PRMT8: variants seen among roughly 807,000 people sequenced by gnomAD.
PRMT8 encodes protein arginine methyltransferase 8.
Under a neutral mutation model 47.1 loss-of-function variants are expected in PRMT8, and 7 were observed. The observed-to-expected ratio is 0.15, with a 90% CI of 0.08 to 0.28. The LOEUF is 0.28. Among genes scored for constraint, PRMT8 ranks in the 10% least tolerant of loss-of-function variants. PRMT8 has a pLI of 1.00. For missense variants in PRMT8, 237 were observed against 505.4 expected, an observed-to-expected ratio of 0.47 and a Z score of 5.09; for synonymous variants, 188 against 186.5, an observed-to-expected ratio of 1.01 and a Z score of -0.07.
At chr12:3,417,355 G>A (rs1591543383) in intron 1 of PRMT8, among the ~76,000 whole-genome samples, 1 of 152,294 alleles carries the variant, frequency 6.6e-6, no homozygotes, top group Admixed American at 6.5e-5. Context: ...CTCAGAGGCT[G>A]GGCTCATAGG....
In PRMT8 at chr12:3,436,704, A is replaced by G. The variant is rs1197505659; in HGVS notation, c.48+55262A>G. Among the ~76,000 whole-genome samples the G allele has an allele frequency of 6.6e-6, 1 of 152,202 alleles. No individual in the cohort carries two copies. The highest frequency in any genetic ancestry group is 1.5e-5 in the Non-Finnish European group (1 of 68,026). On this transcript the variant is annotated intron_variant, in intron 1 of 9. Coordinates refer to the PRMT8 transcript ENST00000452611. This position sits in a 1 kb window ranked among gnomAD's most constrained non-coding sequence, Gnocchi z 4.2. ...TGTGCTGCCTGGAAATGCAAAAGCCATGAGTCGGTTAAACATCAAGGTGAA... is the reference window on the plus strand; with the variant it reads ...TGTGCTGCCTGGAAATGCAAAAGCCGTGAGTCGGTTAAACATCAAGGTGAA...
intron 1 of PRMT8, among the ~76,000 whole-genome samples, chr12:3,424,862 T>C (rs1864585170): frequency 6.6e-6 from 1 of 152,164 alleles, no homozygotes; most frequent in Non-Finnish European, 1.5e-5. Context: ...ACTGTACAAG[T>C]CCAAATTTTA....
At chr12:3,463,029 A>C (rs1414191893) in intron 1 of PRMT8, 1 of 150,224 alleles carries the variant, frequency 6.7e-6, no homozygotes, top group Non-Finnish European at 1.5e-5. Flanking sequence ...TGGCAGAAGA[A>C]GGCCCTAGAA....
At chr12:3,520,228 G>A (rs879894522) in intron 1 of PRMT8, among the ~76,000 whole-genome samples, 6 of 152,196 alleles carry the variant, frequency 3.9e-5, no homozygotes, top group Non-Finnish European at 8.8e-5. Context: ...TGCATCTCTC[G>A]GCCTGTCGGG....
intron 1 of PRMT8, among the ~76,000 whole-genome samples, chr12:3,413,762 G>GGAA (rs1488431380): frequency 6.7e-6 from 1 of 149,682 alleles, no homozygotes; most frequent in Non-Finnish European, 1.5e-5. Context: ...GTATTCGGGG[G>GGAA]AAAAAAAACC....
At chr12:3,416,362 C>T (rs955483162) in intron 1 of PRMT8, among the ~76,000 whole-genome samples, 4 of 152,212 alleles carry the variant, frequency 2.6e-5, no homozygotes, top group Non-Finnish European at 5.9e-5. Flanking sequence ...GCCCAAGTGT[C>T]TCATGTGGAG....
chr12:3,407,236 A>C (rs1041889986), intron 1 of PRMT8, among the ~76,000 whole-genome samples: 3 of 152,100 alleles, frequency 2.0e-5, no homozygotes, highest in Admixed American at 1.3e-4. Context: ...ATTACCTCCC[A>C]CTGGGTCCCT....
At chr12:3,531,352 A>G (rs1168115854) in intron 1 of PRMT8, among the ~76,000 whole-genome samples, 2 of 152,354 alleles carry the variant, frequency 1.3e-5, no homozygotes, top group East Asian at 1.9e-4. Context: ...TTTTAAGCCC[A>G]TTAATGAGGA....
intron 1 of PRMT8, among the ~76,000 whole-genome samples, chr12:3,499,340 T>TC (rs1224800549): frequency 4.3e-5 from 4 of 92,906 alleles, no homozygotes; most frequent in African/African-American, 1.8e-4. Context: ...ATGCTATCCC[T>TC]CCCCCCTCCC....
In PRMT8 at chr12:3,438,034, C is replaced by A. The variant is rs1864762678; in HGVS notation, c.48+56592C>A. 2.6e-5 allele frequency among the ~76,000 whole-genome samples: 4 copies of A among 152,140 alleles called. No homozygotes were observed. The South Asian group carries it at 8.3e-4, about 31-fold the overall frequency. On this transcript the variant is annotated intron_variant, in intron 1 of 9. Transcript: ENST00000452611. ...AGGAAGTCCTTGGAGAAATGCAGATCCAGCTTGCCCTGAGTCTACGATTCC... is the reference window on the plus strand; with the variant it reads ...AGGAAGTCCTTGGAGAAATGCAGATACAGCTTGCCCTGAGTCTACGATTCC...
chr12:3,384,389 A>T (rs969371991), intron 1 of PRMT8, among the ~76,000 whole-genome samples: 1 of 152,160 alleles, frequency 6.6e-6, no homozygotes, highest in Non-Finnish European at 1.5e-5. Flanking sequence ...CAAACAATAT[A>T]CTATTTACAC....
intron 1 of PRMT8, among the ~76,000 whole-genome samples, chr12:3,506,422 G>C (rs1473103557): frequency 6.6e-6 from 1 of 152,158 alleles, no homozygotes; most frequent in African/African-American, 2.4e-5. Context: ...TTGAGGGAAG[G>C]CACCTTTGAT....
chr12:3,426,793 G>T (rs542752772), intron 1 of PRMT8, among the ~76,000 whole-genome samples: 1 of 152,140 alleles, frequency 6.6e-6, no homozygotes, highest in South Asian at 2.1e-4. Flanking sequence ...ACTCTAGAGG[G>T]GGTGGCGCTT....
intron 1 of PRMT8, among the ~76,000 whole-genome samples, chr12:3,393,279 G>GGAAGGCAAAAA (rs1864214139): frequency 1.3e-5 from 2 of 151,718 alleles, no homozygotes; most frequent in Admixed American, 6.6e-5. Flanking sequence ...TAGACATGAA[G>GGAAGGCAAAAA]TCCTTGCCCA....
intron 1 of PRMT8, among the ~76,000 whole-genome samples, chr12:3,513,254 T>G (rs1273633274): frequency 1.3e-5 from 2 of 152,138 alleles, no homozygotes; most frequent in Non-Finnish European, 2.9e-5. Flanking sequence ...TCTCAGAAAG[T>G]TCTCTGTTCC....
In PRMT8 at chr12:3,538,202, G is replaced by C. The variant is rs1216754495; in HGVS notation, c.76-2404G>C. On this transcript the variant is annotated intron_variant, in intron 1 of 9. Coordinates refer to ENST00000382622, the MANE Select transcript of PRMT8 (RefSeq NM_019854.5). This position sits in a 1 kb window ranked among gnomAD's most constrained non-coding sequence, Gnocchi z 4.6. ...CTATCCCAGGGCTTCCTGACTCTCTGCATTAAAGTGAATTCTCTTTCCTGT... is the reference window on the plus strand; with the variant it reads ...CTATCCCAGGGCTTCCTGACTCTCTCCATTAAAGTGAATTCTCTTTCCTGT... 1.9e-5 allele frequency: 3 copies of C among 154,324 alleles called. No homozygotes were observed. The highest frequency in any genetic ancestry group is 7.2e-5 in the African/African-American group (3 of 41,484). The allele number at this position is 154,324 out of a possible 1,614,324, so 9.6% of individuals were successfully genotyped here.
chr12:3,531,886 C>T (rs1293125911), intron 1 of PRMT8, among the ~76,000 whole-genome samples: 3 of 152,198 alleles, frequency 2.0e-5, no homozygotes, highest in Non-Finnish European at 4.4e-5. Flanking sequence ...TCTGAGATGG[C>T]AGCACCAGGC....
In PRMT8 at chr12:3,552,955, C is replaced by T. The variant is rs144827299; in HGVS notation, c.418-696C>T. On this transcript the variant is annotated intron_variant, in intron 3 of 9. Coordinates refer to ENST00000382622, the MANE Select transcript of PRMT8 (RefSeq NM_019854.5). The surrounding 1 kb of genome is among the most constrained non-coding windows in gnomAD (Gnocchi z 4.5). Reference sequence around the variant, plus strand: ...AGAACCCCTGGCAGTGTGCCTGAGACGCTAACCCTGGGCTGGAGCTTGGCT... The same window carrying T: ...AGAACCCCTGGCAGTGTGCCTGAGATGCTAACCCTGGGCTGGAGCTTGGCT... 9.5e-5 allele frequency: 32 copies of T among 338,592 alleles called. No individual in the cohort carries two copies. Among genetic ancestry groups the T allele is most frequent in the Middle Eastern group, 1.1e-3 (1 of 898 alleles). 21.0% of individuals were successfully genotyped at this position (338,592 alleles called of 1,614,324 possible).
chr12:3,444,755 G>A (rs749235786), intron 1 of PRMT8, among the ~76,000 whole-genome samples: 27 of 152,384 alleles, frequency 1.8e-4, no homozygotes, highest in Middle Eastern at 3.4e-3. Flanking sequence ...GCAGTTCCGT[G>A]GGAGATTGCC....
Sources: allele counts gnomAD v4.1 joint callset (sites outside exome capture counted in the v4.1 genomes callset), GRCh38; gene constraint gnomAD v4.1.1; non-coding constraint Gnocchi (gnomAD v3.1); transcripts MANE v1.5; gene names NCBI Gene and HGNC (gene_info 2026-07-23, HGNC 2026-07-21).